The following DPH6 variants were observed in gnomAD, a reference collection of about 807,000 sequenced individuals.
The protein encoded by DPH6 is diphthamine biosynthesis 6.
Under a neutral mutation model 38.2 loss-of-function variants are expected in DPH6, and 33 were observed. The ratio of observed to expected loss-of-function variants is 0.86; its 90% CI spans 0.65 to 1.15. The LOEUF (loss-of-function observed/expected upper bound fraction) is 1.15, where lower values mean the gene tolerates loss of function less well. Ranked by LOEUF, DPH6 falls within the 50% of genes most tolerant of loss-of-function variation. The probability of loss-of-function intolerance (pLI) is 0.00; values close to 1 mark genes in which losing one functional copy is unlikely to be tolerated. For missense variants in DPH6, 325 were observed against 320.0 expected (o/e 1.02, Z -0.12); for synonymous variants, 108 against 103.0 (o/e 1.05, Z -0.30).
the DPH6 span, among the ~76,000 whole-genome samples, chr15:35,149,486 C>T: frequency 1.3e-5 from 2 of 152,296 alleles, no homozygotes; most frequent in East Asian, 3.9e-4. Flanking sequence ...ATTCGCCTGC[C>T]TCGGCCTCCC....
chr15:35,208,735 G>C, the DPH6 span, among the ~76,000 whole-genome samples: 1 of 152,042 alleles, frequency 6.6e-6, no homozygotes. Context: ...GGCGGTGTAA[G>C]ACTTTCTTAT....
intron 3 of DPH6, among the ~76,000 whole-genome samples, chr15:35,324,631 T>C (rs2052267802): frequency 1.3e-5 from 2 of 152,160 alleles, no homozygotes; most frequent in African/African-American, 4.8e-5. Context: ...AGTGAGAACA[T>C]ACATTGCAGA....
rs1208658969 is a variant in DPH6 at position 35,273,406 on chromosome 15, G to A, written n.201-52824C>T. On this transcript the variant is annotated intron_variant and non_coding_transcript_variant, in intron 3 of 3. Transcript: ENST00000560386. ...CTTCCACTTATCAGTGAGAAAATACGATGTTTGGTTTTCCATTCCTGAGTT... is the reference window on the plus strand; with the variant it reads ...CTTCCACTTATCAGTGAGAAAATACAATGTTTGGTTTTCCATTCCTGAGTT... Among the ~76,000 whole-genome samples, 5 of 152,084 alleles carry A rather than the reference G, an allele frequency of 3.3e-5. No homozygotes were observed. In the East Asian group the frequency reaches 5.8e-4, roughly 18 times the overall value.
At chr15:35,207,038 C>CTTTTTT in the DPH6 span, among the ~76,000 whole-genome samples, 6 of 74,068 alleles carry the variant, frequency 8.1e-5, no homozygotes, top group Non-Finnish European at 1.2e-4. Flanking sequence ...TTTAGTAAAG[C>CTTTTTT]TTTTTTTTTT....
the DPH6 span, among the ~76,000 whole-genome samples, chr15:35,196,862 C>T: frequency 6.6e-6 from 1 of 152,160 alleles, no homozygotes; most frequent in Non-Finnish European, 1.5e-5. Flanking sequence ...GATTGTTACT[C>T]AAAACTATTA....
chr15:35,404,715 C>G (rs145620160), intron 6 of DPH6, among the ~76,000 whole-genome samples: 3 of 152,168 alleles, frequency 2.0e-5, no homozygotes, highest in African/African-American at 7.2e-5. Context: ...CGCTGTGCAG[C>G]TTTTTAACTT....
chr15:35,398,854 CAGTT>C (rs561467279), intron 6 of DPH6, among the ~76,000 whole-genome samples: 108 of 152,244 alleles, frequency 7.1e-4, no homozygotes, highest in African/African-American at 2.4e-3. Flanking sequence ...GTAAGACAGA[CAGTT>C]GGTGTCTGCT....
chr15:35,280,103 T>C (rs1380017426), intron 3 of DPH6, among the ~76,000 whole-genome samples: 2 of 152,310 alleles, frequency 1.3e-5, no homozygotes, highest in African/African-American at 4.8e-5. Context: ...TTTCTGTCCT[T>C]TGAGTCACCC....
chr15:35,299,078 T>A, intron 3 of DPH6: 1 of 764,818 alleles, frequency 1.3e-6, no homozygotes. Context: ...TCTTTCCAGC[T>A]CCCGCTGTCT....
At chr15:35,227,328 C>T (rs187439612) in intron 3 of DPH6, among the ~76,000 whole-genome samples, 54 of 151,592 alleles carry the variant, frequency 3.6e-4, no homozygotes, top group African/African-American at 1.1e-3. Flanking sequence ...GGACTACAGG[C>T]GCCCGCCACC....
chr15:35,473,968 G>A (rs986817241), intron 3 of DPH6, among the ~76,000 whole-genome samples: 8 of 150,126 alleles, frequency 5.3e-5, no homozygotes, highest in East Asian at 4.0e-4. Flanking sequence ...GCGCGCGCGC[G>A]CGTGAGCTTT....
Position 35,233,447 on chromosome 15 carries a change from TATA to T in DPH6, n.201-12868_201-12866del, listed in dbSNP as rs1444975741. On this transcript the variant is annotated intron_variant and non_coding_transcript_variant, in intron 3 of 3. Transcript: ENST00000560386. ...TATAAAAATTAAAAATCTTGGATTT[TATA>T]AGCTTGTACAGGTTCTAGAATAAGA... Among the ~76,000 whole-genome samples the T allele has an allele frequency of 5.9e-5, 9 of 152,356 alleles. No individual in the cohort carries two copies. The South Asian group carries it at 1.9e-3, about 32-fold the overall frequency.
chr15:35,488,470 C>G lies in DPH6; in HGVS notation c.313-33650G>C, dbSNP rs112334498. Among the ~76,000 whole-genome samples the G allele has an allele frequency of 6.5e-3, 996 of 152,252 alleles. 18 individuals carry two copies. Among genetic ancestry groups the G allele is most frequent in the African/African-American group, 0.023 (959 of 41,554 alleles). ...ATCACAGTGGAAGGCAAAGGAGAAG[C>G]AAGACATGTCTTACATGGCAGCAGG... On this transcript the variant is annotated intron_variant, in intron 3 of 8. Coordinates refer to ENST00000256538, the MANE Select transcript of DPH6 (RefSeq NM_080650.4).
At chr15:35,185,003 A>G in the DPH6 span, among the ~76,000 whole-genome samples, 2 of 152,196 alleles carry the variant, frequency 1.3e-5, no homozygotes, top group Non-Finnish European at 2.9e-5. Flanking sequence ...TTAATTAGAA[A>G]TTGACTAGGA....
chr15:35,288,855 C>G (rs1029287926), intron 3 of DPH6, among the ~76,000 whole-genome samples: 1 of 152,160 alleles, frequency 6.6e-6, no homozygotes. Flanking sequence ...GCTGTGGCCA[C>G]CACTGCCCCA....
intron 3 of DPH6, among the ~76,000 whole-genome samples, chr15:35,486,579 C>A (rs1331655422): frequency 6.6e-6 from 1 of 151,912 alleles, no homozygotes; most frequent in Non-Finnish European, 1.5e-5. Context: ...AGAAATTGCC[C>A]CCATGATCCA....
At chr15:35,335,670 T>TTTTCTCAGA (rs2052365681) in intron 3 of DPH6, among the ~76,000 whole-genome samples, 1 of 151,172 alleles carries the variant, frequency 6.6e-6, no homozygotes, top group Admixed American at 6.6e-5. Flanking sequence ...CATTGCTTGT[T>TTTTCTCAGA]TTTGTCAAAG....
intron 3 of DPH6, among the ~76,000 whole-genome samples, chr15:35,492,356 G>A (rs1455148149): frequency 6.6e-6 from 1 of 152,050 alleles, no homozygotes; most frequent in African/African-American, 2.4e-5. Context: ...TATCACAGAG[G>A]ACAATAAAGG....
downstream of DPH6, among the ~76,000 whole-genome samples, chr15:35,330,620 C>T (rs533783057): frequency 2.0e-5 from 3 of 152,244 alleles, no homozygotes; most frequent in South Asian, 6.2e-4. Flanking sequence ...AGACAACCTA[C>T]CCGGCATACA....
Sources: gnomAD v4.1 joint callset for allele counts (sites outside exome capture counted in the v4.1 genomes callset) on GRCh38, gnomAD v4.1.1 for gene constraint, MANE v1.5 for transcripts, NCBI Gene and HGNC (gene_info 2026-07-23, HGNC 2026-07-21) for gene names.